The following HOXB1 variants were observed in gnomAD, a reference collection of about 807,000 sequenced individuals.
HOXB1 encodes homeobox B1, also known as homeobox protein Hox-B1.
HOXB1 carries 13 observed loss-of-function variants against 26.9 expected under a neutral mutation model. That is an observed-to-expected ratio of 0.48 (90% CI 0.31 to 0.77). The LOEUF (loss-of-function observed/expected upper bound fraction) is 0.77, where lower values mean the gene tolerates loss of function less well. Ranked by LOEUF, HOXB1 falls within the 30% of genes least tolerant of loss-of-function variation. The pLI, the probability that HOXB1 is intolerant of heterozygous loss-of-function variation, is 0.04. For missense variants in HOXB1, 366 were observed against 403.6 expected (o/e 0.91, Z 0.80); for synonymous variants, 168 against 170.8 (o/e 0.98, Z 0.13).
intron 1 of HOXB1, 117 bp from the exon 2 acceptor site, chr17:48,529,992 G>T: frequency 1.1e-6 from 1 of 916,018 alleles, no homozygotes; most frequent in Non-Finnish European, 1.6e-6. Context: ...AAGTACAGTT[G>T]TCAAAGTTCC....
At position 48,530,456 on chromosome 17, in the gene HOXB1, G is replaced by A; in HGVS notation, c.449C>T (p.Ala150Val). 3 of 1,614,112 alleles carry A rather than the reference G, an allele frequency of 1.9e-6. No individual in the cohort carries two copies. The highest frequency in any genetic ancestry group is 2.5e-6 in the Non-Finnish European group (3 of 1,179,994). ...QHPPYGNEQT[A>V]SFAPAYADLL... ...ATCAGCATAGGCCGGTGCAAAGCTC[G>A]CGGTCTGCTCGTTCCCATAAGGGGG... Residue 150 changes from alanine to valine, a missense_variant, in exon 1 of 2, where the codon GCG becomes GTG. Ala to Val is a moderately conservative substitution (Grantham distance 64). Coordinates refer to ENST00000239174, the MANE Select transcript of HOXB1 (RefSeq NM_002144.4). This position sits in a 1 kb window ranked among gnomAD's most constrained non-coding sequence, Gnocchi z 6.2.
At chr17:48,529,911 C>A in intron 1 of HOXB1, 36 bp from the exon 2 acceptor site, 1 of 1,488,870 alleles carries the variant, frequency 6.7e-7, no homozygotes, top group East Asian at 2.3e-5. Context: ...CAGGTCAATT[C>A]TCTCACCTCT....
In HOXB1 at chr17:48,529,419, C is replaced by A; in HGVS notation, c.*128G>T. The A allele has an allele frequency of 1.4e-4, 68 of 494,332 alleles. No individual in the cohort carries two copies. The highest frequency in any genetic ancestry group is 1.9e-4 in the East Asian group (5 of 25,764). 30.6% of individuals were successfully genotyped at this position (494,332 alleles called of 1,614,324 possible). On this transcript the variant is annotated 3_prime_UTR_variant, in exon 2 of 2. Transcript: ENST00000239174. ...CCTCCCACCCCCAGGCAGCTCTAAA[C>A]TGGCATTTCAGCCCTAGAGAGGATC...
rs925595112 is a variant in HOXB1, at chr17:48,529,260, T to C, written c.*287A>G. On this transcript the variant is annotated 3_prime_UTR_variant, in exon 2 of 2. Transcript: ENST00000239174. ...GGCTGGCCCCCACCCCCACCACATG[T>C]TGACACTGAGCTGATCCCCAGATCA... 1 of 300,888 alleles carries C rather than the reference T, an allele frequency of 3.3e-6. No individual in the cohort carries two copies. The highest frequency in any genetic ancestry group is 2.2e-5 in the African/African-American group (1 of 46,282). 18.6% of individuals were successfully genotyped at this position (300,888 alleles called of 1,614,324 possible). A position where few individuals can be genotyped will look rare whatever the true frequency, so the allele number is the denominator to read the frequency against.
rs2068411508 is a variant in HOXB1 at position 48,528,595 on chromosome 17, GC to G, written c.*951del. 1 of 152,282 alleles carries G rather than the reference GC, an allele frequency of 6.6e-6. No individual in the cohort carries two copies. The highest frequency in any genetic ancestry group is 2.1e-4 in the South Asian group (1 of 4,828). The allele number at this position is 152,282 out of a possible 1,614,324, so 9.4% of individuals were successfully genotyped here. On this transcript the variant is annotated 3_prime_UTR_variant, in exon 2 of 2. Coordinates refer to ENST00000239174, the MANE Select transcript of HOXB1 (RefSeq NM_002144.4). ...CAGAGAGAACCCGGGCTCACTTGGG[GC>G]TCAGGTTTCCAGAAACTTAGATGGC...
chr17:48,529,422 G>T lies in HOXB1; in HGVS notation c.*125C>A. On this transcript the variant is annotated 3_prime_UTR_variant, in exon 2 of 2. Transcript: ENST00000239174. ...CCCACCCCCAGGCAGCTCTAAACTGGCATTTCAGCCCTAGAGAGGATCCCC... is the reference window on the plus strand; with the variant it reads ...CCCACCCCCAGGCAGCTCTAAACTGTCATTTCAGCCCTAGAGAGGATCCCC... 1 of 663,954 alleles carries T rather than the reference G, an allele frequency of 1.5e-6. No individual in the cohort carries two copies. The highest frequency in any genetic ancestry group is 2.3e-6 in the Non-Finnish European group (1 of 435,338). The allele number at this position is 663,954 out of a possible 1,614,324, so 41.1% of individuals were successfully genotyped here. A position where few individuals can be genotyped will look rare whatever the true frequency, so the allele number is the denominator to read the frequency against.
chr17:48,529,805 T>C lies in HOXB1; in HGVS notation c.648A>G (p.Thr216=). The change falls in exon 2 of 2, where the codon ACA becomes ACG. Residue 216 remains threonine, a synonymous_variant. Coordinates refer to ENST00000239174, the MANE Select transcript of HOXB1 (RefSeq NM_002144.4). ...TGAAATGGAACTCCTTTTCCAGTTC[T>C]GTCAGCTGCCTTGTGGTGAAGTTGG... ...LRTNFTTRQL[T]ELEKEFHFNK... 2 of 1,602,474 alleles carry C rather than the reference T, an allele frequency of 1.2e-6. No individual in the cohort carries two copies. The highest frequency in any genetic ancestry group is 1.7e-6 in the Non-Finnish European group (2 of 1,179,644).
rs200151818 is a variant in HOXB1, at chr17:48,530,827, G to A, written c.78C>T (p.Ser26=). The A allele has an allele frequency of 1.3e-6, 2 of 1,579,530 alleles. No homozygotes were observed. The highest frequency in any genetic ancestry group is 1.7e-6 in the Non-Finnish European group (2 of 1,165,300). Residue 26 remains serine (S), a synonymous_variant, in exon 1 of 2, where the codon AGC becomes AGT. Transcript: ENST00000239174. The surrounding 1 kb of genome is among the most constrained non-coding windows in gnomAD (Gnocchi z 6.2). ...AGCTTGGGGGAAAGGAGGTTGGGGC[G>A]CTGTGGGCGCTGTAGGCGCTGGGTC... is the stretch of plus-strand genomic sequence containing the variant. ...NRGPSAYSAH[S]APTSFPPSSA...
rs769522806 is a variant in HOXB1 at position 48,530,263 on chromosome 17, G to A, written c.577+65C>T. 8 of 1,394,224 alleles carry A rather than the reference G, an allele frequency of 5.7e-6. No individual in the cohort carries two copies. Among genetic ancestry groups the A allele is most frequent in the Non-Finnish European group, 8.0e-6 (8 of 998,266 alleles). 86.4% of individuals were successfully genotyped at this position (1,394,224 alleles called of 1,614,324 possible). A position where few individuals can be genotyped will look rare whatever the true frequency, so the allele number is the denominator to read the frequency against. ...AGAACCCAGCCCAGACCCAGGACATGTCACTGCAGGGGAAGCAGAGATGCT... is the reference window on the plus strand; with the variant it reads ...AGAACCCAGCCCAGACCCAGGACATATCACTGCAGGGGAAGCAGAGATGCT... On this transcript the variant is annotated intron_variant, in intron 1 of 1. Transcript: ENST00000239174. The surrounding 1 kb of genome is among the most constrained non-coding windows in gnomAD (Gnocchi z 6.2).
In HOXB1 at chr17:48,530,651, G is replaced by A. The variant is rs544516524; in HGVS notation, c.254C>T (p.Ala85Val). The change falls in exon 1 of 2, where the codon GCT (alanine) becomes GTT (valine). Residue 85 changes from alanine to valine, a missense_variant. Transcript: ENST00000239174. This position sits in a 1 kb window ranked among gnomAD's most constrained non-coding sequence, Gnocchi z 6.2. ...GTAGCTGGGGCTGCAGGCGGCAGGA[G>A]CATACCCCGAGGGCGCGGAGCTGGG... ...PFPSSAPSGY[A>V]PAACSPSYGP... 5 of 1,613,842 alleles carry A rather than the reference G, an allele frequency of 3.1e-6. No homozygotes were observed. The African/African-American group carries it at 4.0e-5, about 13-fold the overall frequency.
In HOXB1 at chr17:48,530,956, C is replaced by T; in HGVS notation, c.-52G>A. On this transcript the variant is annotated 5_prime_UTR_variant, in exon 1 of 2. Coordinates refer to ENST00000239174, the MANE Select transcript of HOXB1 (RefSeq NM_002144.4). This position sits in a 1 kb window ranked among gnomAD's most constrained non-coding sequence, Gnocchi z 6.2. ...CGTTTGGGGGAGACACCCTCTTGCC[C>T]TACAACCTTTCGGCAGTATGTCACA... 1 of 1,327,618 alleles carries T rather than the reference C, an allele frequency of 7.5e-7. No homozygotes were observed. Among genetic ancestry groups the T allele is most frequent in the Non-Finnish European group, 1.0e-6 (1 of 973,402 alleles). The allele number at this position is 1,327,618 out of a possible 1,614,324, so 82.2% of individuals were successfully genotyped here. A position where few individuals can be genotyped will look rare whatever the true frequency, so the allele number is the denominator to read the frequency against.
Position 48,530,760 on chromosome 17 carries a change from C to A in HOXB1, c.145G>T (p.Gly49Cys). Residue 49 changes from glycine to cysteine, a missense_variant, in exon 1 of 2, where the codon GGT becomes TGT. Physicochemically the swap from Gly to Cys is radical, Grantham distance 159. Transcript: ENST00000239174. This position sits in a 1 kb window ranked among gnomAD's most constrained non-coding sequence, Gnocchi z 6.2. The part of the protein sequence containing the change: ...VDSYASEGRY[G>C]GGLSSPAFQQ... ...AACGCAGGGCTGGACAGCCCCCCAC[C>A]GTAGCGGCCCTCGCTTGCATAGCTG... 1.2e-6 allele frequency: 2 copies of A among 1,610,682 alleles called. No homozygotes were observed.
rs7226137 is a variant in HOXB1, at chr17:48,529,659, T to C, written c.794A>G (p.Glu265Gly). The C allele has an allele frequency of 1, 1,606,260 of 1,610,438 alleles. 801,135 individuals are homozygous for C. The highest frequency in any genetic ancestry group is 1 in the East Asian group (44,750 of 44,750). Residue 265 changes from glutamate to glycine, a missense_variant, in exon 2 of 2, where the codon GAA (glutamate) becomes GGA (glycine). Physicochemically the swap from Glu to Gly is moderately conservative, Grantham distance 98. Coordinates refer to ENST00000239174, the MANE Select transcript of HOXB1 (RefSeq NM_002144.4). ...TGGTGGGGCTGGGGGGACCCGACCT[T>C]CCTCTCGCTCGCGCTTCTTCTGCTT... ...RMKQKKREREEGRVPPAPPGC... is the reference protein window; with the variant it reads ...RMKQKKREREGGRVPPAPPGC...
chr17:48,529,248 C>T lies in HOXB1; in HGVS notation c.*299G>A, dbSNP rs1403586096. 1.7e-5 allele frequency: 5 copies of T among 288,016 alleles called. No homozygotes were observed. The East Asian group carries it at 2.9e-4, about 17-fold the overall frequency. 17.8% of individuals were successfully genotyped at this position (288,016 alleles called of 1,614,324 possible). On this transcript the variant is annotated 3_prime_UTR_variant, in exon 2 of 2. Transcript: ENST00000239174. ...CCAGGAGGATGAGGCTGGCCCCCAC[C>T]CCCACCACATGTTGACACTGAGCTG...
rs1306774178 is a variant in HOXB1, at chr17:48,530,168, G to A, written c.577+160C>T. ...TGGGGTGACCGGTTACATACTGGGT[G>A]GGGAGACCTCACCTGACCTGAGACG... On this transcript the variant is annotated intron_variant, in intron 1 of 1. Coordinates refer to ENST00000239174, the MANE Select transcript of HOXB1 (RefSeq NM_002144.4). The surrounding 1 kb of genome is among the most constrained non-coding windows in gnomAD (Gnocchi z 6.2). 1.5e-5 allele frequency: 10 copies of A among 677,150 alleles called. No homozygotes were observed. In the African/African-American group the frequency reaches 1.8e-4, roughly 12 times the overall value. The allele number at this position is 677,150 out of a possible 1,614,324, so 41.9% of individuals were successfully genotyped here. A position where few individuals can be genotyped will look rare whatever the true frequency, so the allele number is the denominator to read the frequency against.
At position 48,530,179 on chromosome 17, in the gene HOXB1, A is replaced by G; in HGVS notation, c.577+149T>C. On this transcript the variant is annotated intron_variant, in intron 1 of 1. Coordinates refer to ENST00000239174, the MANE Select transcript of HOXB1 (RefSeq NM_002144.4). This position sits in a 1 kb window ranked among gnomAD's most constrained non-coding sequence, Gnocchi z 6.2. ...GTTACATACTGGGTGGGGAGACCTC[A>G]CCTGACCTGAGACGTAGGTTGTGCT... 1 of 719,810 alleles carries G rather than the reference A, an allele frequency of 1.4e-6. No homozygotes were observed. Among genetic ancestry groups the G allele is most frequent in the African/African-American group, 1.8e-5 (1 of 56,274 alleles). 44.6% of individuals were successfully genotyped at this position (719,810 alleles called of 1,614,324 possible). A position where few individuals can be genotyped will look rare whatever the true frequency, so the allele number is the denominator to read the frequency against.
In HOXB1 at chr17:48,530,821, T is replaced by TGGGGCGCTGTGGGCGCTG. The variant is rs909175049; in HGVS notation, c.66_83dup (p.Ser23_Pro28dup). 5.1e-5 allele frequency: 68 copies of TGGGGCGCTGTGGGCGCTG among 1,332,198 alleles called. No individual in the cohort carries two copies. Among genetic ancestry groups the TGGGGCGCTGTGGGCGCTG allele is most frequent in the Non-Finnish European group, 6.9e-5 (65 of 945,260 alleles). 82.5% of individuals were successfully genotyped at this position (1,332,198 alleles called of 1,614,324 possible). ...GAGCCGAGCTTGGGGGAAAGGAGGT[T>TGGGGCGCTGTGGGCGCTG]GGGGCGCTGTGGGCGCTGTAGGCGC... On this transcript the variant is annotated inframe_insertion, in exon 1 of 2. Coordinates refer to ENST00000239174, the MANE Select transcript of HOXB1 (RefSeq NM_002144.4). The surrounding 1 kb of genome is among the most constrained non-coding windows in gnomAD (Gnocchi z 6.2).
In HOXB1 at chr17:48,530,753, C is replaced by T; in HGVS notation, c.152G>A (p.Gly51Glu). The change falls in exon 1 of 2, where the codon GGG becomes GAG. Residue 51 changes from glycine to glutamate, a missense_variant. Transcript: ENST00000239174. The surrounding 1 kb of genome is among the most constrained non-coding windows in gnomAD (Gnocchi z 6.2). ...SYASEGRYGG[G>E]LSSPAFQQNS... The stretch of plus-strand genomic sequence containing the variant: ...CTGCTGAAACGCAGGGCTGGACAGC[C>T]CCCCACCGTAGCGGCCCTCGCTTGC... The T allele has an allele frequency of 6.2e-7, 1 of 1,611,006 alleles. No homozygotes were observed. The highest frequency in any genetic ancestry group is 1.1e-5 in the South Asian group (1 of 90,642).
chr17:48,530,968 G>A lies in HOXB1; in HGVS notation c.-64C>T, dbSNP rs1311105388. 2.1e-5 allele frequency: 26 copies of A among 1,213,828 alleles called. No individual in the cohort carries two copies. The highest frequency in any genetic ancestry group is 3.0e-5 in the Non-Finnish European group (26 of 873,994). The allele number at this position is 1,213,828 out of a possible 1,614,324, so 75.2% of individuals were successfully genotyped here. ...ACACCCTCTTGCCCTACAACCTTTC[G>A]GCAGTATGTCACAGCGCTGGGGCTC... On this transcript the variant is annotated 5_prime_UTR_variant, in exon 1 of 2. An upstream open reading frame in the 5' UTR gains an earlier in-frame stop. Transcript: ENST00000239174. This position sits in a 1 kb window ranked among gnomAD's most constrained non-coding sequence, Gnocchi z 6.2.
Sources: gnomAD v4.1 joint callset for allele counts on GRCh38, gnomAD v4.1.1 for gene constraint, Gnocchi (gnomAD v3.1) non-coding constraint, MANE v1.5 for transcripts, NCBI Gene and HGNC (gene_info 2026-07-23, HGNC 2026-07-21) for gene names.